GRIA4: variants seen among roughly 807,000 people sequenced by gnomAD.
The protein encoded by GRIA4 is glutamate receptor 4.
Under a neutral mutation model 104.0 loss-of-function variants are expected in GRIA4, and 34 were observed. That is an observed-to-expected ratio of 0.33 (90% CI 0.25 to 0.44). GRIA4 has a LOEUF of 0.44. GRIA4 is among the 20% of genes least tolerant of loss of function. GRIA4 has a pLI of 1.00. For synonymous variants in GRIA4, 386 were observed against 381.9 expected (o/e 1.01, Z -0.13); for missense variants, 750 against 1,096.5 (o/e 0.68, Z 4.46).
At chr11:105,934,459 G>C (rs1379995773) in intron 14 of GRIA4, among the ~76,000 whole-genome samples, 1 of 152,058 alleles carries the variant, frequency 6.6e-6, no homozygotes, top group South Asian at 2.1e-4. Flanking sequence ...TCTTGAGGTT[G>C]TATTCATGCT....
intron 3 of GRIA4, among the ~76,000 whole-genome samples, chr11:105,740,908 T>G (rs1939264021): frequency 6.6e-6 from 1 of 152,266 alleles, no homozygotes; most frequent in Admixed American, 6.5e-5. Flanking sequence ...TTAGATCACA[T>G]GGGTATCACT....
chr11:105,898,227 T>C (rs1296932809), intron 6 of GRIA4, 42 bp from the exon 7 acceptor site: 6 of 1,058,000 alleles, frequency 5.7e-6, no homozygotes, highest in Non-Finnish European at 8.6e-6. Flanking sequence ...CTGCCATGTA[T>C]AATAAACTAA....
At chr11:105,662,709 A>G (rs1952049025) in intron 3 of GRIA4, among the ~76,000 whole-genome samples, 1 of 151,952 alleles carries the variant, frequency 6.6e-6, no homozygotes, top group Admixed American at 6.6e-5. Flanking sequence ...GTGTTCGATC[A>G]CAAAGGGGGC....
chr11:105,852,068 T>A (rs1359350281), intron 4 of GRIA4, among the ~76,000 whole-genome samples: 2 of 152,206 alleles, frequency 1.3e-5, no homozygotes, highest in South Asian at 4.1e-4. Flanking sequence ...AAATGTAATA[T>A]TTAGGAAGAA....
At position 105,979,710 on chromosome 11, in the gene GRIA4, T is replaced by C. The variant is rs769720386; in HGVS notation, c.2680T>C (p.Leu894=). ...TGTAIRQSSG[L]AVIASDLP ...AACTGCAATCAGACAAAGTTCAGGA[T>C]TGGCTGTCATTGCATCGGACCTACC... The change falls in exon 17 of 17, where the codon TTG becomes CTG. Residue 894 remains leucine, a synonymous_variant. Transcript: ENST00000282499. 14 of 1,613,934 alleles carry C rather than the reference T, an allele frequency of 8.7e-6. No individual in the cohort carries two copies. Among genetic ancestry groups the C allele is most frequent in the Non-Finnish European group, 7.6e-6 (9 of 1,179,922 alleles).
chr11:105,761,564 GTCAAC>G (rs762442209), intron 4 of GRIA4, among the ~76,000 whole-genome samples: 4 of 152,080 alleles, frequency 2.6e-5, no homozygotes, highest in African/African-American at 7.2e-5. Context: ...AACTGCCTCT[GTCAAC>G]TCAACTCAAC....
chr11:105,750,489 A>G (rs1939934546), intron 3 of GRIA4, among the ~76,000 whole-genome samples: 1 of 152,122 alleles, frequency 6.6e-6, no homozygotes, highest in Non-Finnish European at 1.5e-5. Flanking sequence ...ATGACAGACA[A>G]CTATGAAAAG....
intron 3 of GRIA4, 92 bp from the exon 4 acceptor site, chr11:105,752,889 T>G: frequency 8.4e-7 from 1 of 1,193,958 alleles, no homozygotes; most frequent in Non-Finnish European, 1.2e-6. Flanking sequence ...GATTCAGTGA[T>G]TTTTATTTTT....
chr11:105,672,738 T>C (rs902450803), intron 3 of GRIA4, among the ~76,000 whole-genome samples: 1 of 152,076 alleles, frequency 6.6e-6, no homozygotes, highest in Non-Finnish European at 1.5e-5. Flanking sequence ...GACCCAGCCA[T>C]ACACACAATT....
At chr11:105,711,307 G>C (rs1431771623) in intron 3 of GRIA4, among the ~76,000 whole-genome samples, 4 of 151,820 alleles carry the variant, frequency 2.6e-5, no homozygotes, top group Non-Finnish European at 5.9e-5. Flanking sequence ...GATAGCATTA[G>C]GAGATATACC....
chr11:105,754,151 C>T (rs561678459), intron 4 of GRIA4, among the ~76,000 whole-genome samples: 1 of 152,122 alleles, frequency 6.6e-6, no homozygotes, highest in Non-Finnish European at 1.5e-5. Context: ...TTGGAGCTAT[C>T]TAAGGGCCCC....
chr11:105,716,243 A>G (rs932323155), intron 3 of GRIA4, among the ~76,000 whole-genome samples: 4 of 152,174 alleles, frequency 2.6e-5, no homozygotes, highest in Non-Finnish European at 5.9e-5. Context: ...ATCTTGTGGA[A>G]CACATTTTAG....
At chr11:105,964,968 A>C (rs1484331566) in intron 14 of GRIA4, among the ~76,000 whole-genome samples, 1 of 152,008 alleles carries the variant, frequency 6.6e-6, no homozygotes, top group Admixed American at 6.6e-5. Flanking sequence ...AACCATGCCC[A>C]GCTAATTTTT....
At chr11:105,827,832 G>T (rs1363396104) in intron 4 of GRIA4, among the ~76,000 whole-genome samples, 1 of 151,904 alleles carries the variant, frequency 6.6e-6, no homozygotes, top group Non-Finnish European at 1.5e-5. Context: ...AACAACTTCT[G>T]GTTAAGTCAA....
chr11:105,682,753 G>A (rs528098184), intron 3 of GRIA4, among the ~76,000 whole-genome samples: 26 of 152,300 alleles, frequency 1.7e-4, no homozygotes, highest in African/African-American at 5.3e-4. Flanking sequence ...GCAATCTGAA[G>A]AAGAGCAGAA....
At chr11:105,635,696 A>G (rs1337792183) in intron 3 of GRIA4, among the ~76,000 whole-genome samples, 1 of 152,158 alleles carries the variant, frequency 6.6e-6, no homozygotes, top group East Asian at 1.9e-4. Context: ...CATCCCAACC[A>G]AACAGTCCCT....
intron 4 of GRIA4, among the ~76,000 whole-genome samples, chr11:105,839,417 T>G (rs1278632197): frequency 6.6e-6 from 1 of 150,716 alleles, no homozygotes; most frequent in Non-Finnish European, 1.5e-5. Flanking sequence ...TTCTCTCAAT[T>G]CTCATTTCTA....
chr11:105,932,320 G>A (rs4755120), intron 13 of GRIA4, among the ~76,000 whole-genome samples: 12,533 of 151,900 alleles, frequency 0.083, 741 homozygotes, highest in Admixed American at 0.18. Context: ...TGTACTTTTA[G>A]TAGACACAGG....
At chr11:105,808,122 T>TAAA (rs1264325275) in intron 4 of GRIA4, among the ~76,000 whole-genome samples, 1 of 151,968 alleles carries the variant, frequency 6.6e-6, no homozygotes, top group Non-Finnish European at 1.5e-5. Context: ...GTGTGTGTGT[T>TAAA]AAAAATCTTT....
Sources: gnomAD v4.1 joint callset for allele counts (sites outside exome capture counted in the v4.1 genomes callset) on GRCh38, gnomAD v4.1.1 for gene constraint, MANE v1.5 for transcripts, NCBI Gene and HGNC (gene_info 2026-07-23, HGNC 2026-07-21) for gene names.